MMP11: variants seen among roughly 807,000 people sequenced by gnomAD.
MMP11 encodes the protein matrix metallopeptidase 11.
In MMP11, 26 loss-of-function variants were observed where a neutral mutation model predicts 49.5. That is an observed-to-expected ratio of 0.52 (90% confidence interval 0.38 to 0.73). The LOEUF (loss-of-function observed/expected upper bound fraction) is 0.73, where lower values mean the gene tolerates loss of function less well. MMP11 is among the 30% of genes least tolerant of loss of function. The probability of loss-of-function intolerance (pLI) is 0.00; values close to 1 mark genes in which losing one functional copy is unlikely to be tolerated. For missense variants in MMP11, 624 were observed against 671.2 expected (o/e 0.93, Z 0.78); for synonymous variants, 265 against 282.3 (o/e 0.94, Z 0.62).
In MMP11 at chr22:23,780,613, GGGCCTGGGGGCATCCT is replaced by G. The variant is rs1569156823; in HGVS notation, c.519_534del (p.Gly174MetfsTer54). On this transcript the variant is annotated frameshift_variant, in exon 4 of 8. Transcript: ENST00000215743. LOFTEE classifies it high-confidence loss of function. The surrounding 1 kb of genome is among the most constrained non-coding windows in gnomAD (Gnocchi z 4.6). ...GCATGGGGACGACCTGCCGTTTGAT[GGGCCTGGGGGCATCCT>G]GGCCCATGCCTTCTTCCCCAAGACT... 6.3e-7 allele frequency: 1 copy of G among 1,592,744 alleles called. No individual in the cohort carries two copies. The highest frequency in any genetic ancestry group is 8.6e-7 in the Non-Finnish European group (1 of 1,168,988).
chr22:23,772,963 C>T lies in MMP11; in HGVS notation c.93C>T (p.Ala31=). 8.3e-7 allele frequency: 1 copy of T among 1,208,934 alleles called. No individual in the cohort carries two copies. The highest frequency in any genetic ancestry group is 1.0e-6 in the Non-Finnish European group (1 of 970,222). 74.9% of individuals were successfully genotyped at this position (1,208,934 alleles called of 1,614,324 possible). The change falls in exon 1 of 8, where the codon GCC becomes GCT. Residue 31 remains alanine (A), a synonymous_variant. Coordinates refer to ENST00000215743, the MANE Select transcript of MMP11 (RefSeq NM_005940.5). ...LLLLQPPPLL[A]RALPPDAHHL... ...TGCTCCAGCCGCCGCCGCTGCTGGC[C>T]CGGGCTCTGCCGCCGGTGAGTGCCC...
Position 23,781,419 on chromosome 22 carries a change from G to T in MMP11, c.1075+10G>T, listed in dbSNP as rs750326149. The T allele has an allele frequency of 6.3e-6, 10 of 1,585,922 alleles. No individual in the cohort carries two copies. The highest frequency in any genetic ancestry group is 1.1e-5 in the South Asian group (1 of 88,460). ...ATTTGGTTCTTCCAAGGTGAGTGGG[G>T]GTTGGGGATCTGCTCGAGAGACTTC... On this transcript the variant is annotated intron_variant, in intron 6 of 7. Transcript: ENST00000215743.
chr22:23,783,851 C>T lies in MMP11; in HGVS notation c.*307C>T, dbSNP rs1468450089. ...CTGCCCTGTCTCCATCCCTGTCCCT[C>T]AGGGTAGCACCATGGCAGGACTGGG... On this transcript the variant is annotated 3_prime_UTR_variant, in exon 8 of 8. Coordinates refer to ENST00000215743, the MANE Select transcript of MMP11 (RefSeq NM_005940.5). The T allele has an allele frequency of 4.7e-6, 2 of 424,790 alleles. No homozygotes were observed. Among genetic ancestry groups the T allele is most frequent in the Admixed American group, 6.8e-5 (2 of 29,226 alleles). The allele number at this position is 424,790 out of a possible 1,614,324, so 26.3% of individuals were successfully genotyped here. A position where few individuals can be genotyped will look rare whatever the true frequency, so the allele number is the denominator to read the frequency against.
Position 23,781,248 on chromosome 22 carries a change from G to A in MMP11, c.914G>A (p.Arg305Gln), listed in dbSNP as rs979897738. Residue 305 changes from arginine (R) to glutamine (Q), a missense_variant, in exon 6 of 8, where the codon CGA becomes CAA. Arg to Gln is a conservative substitution (Grantham distance 43). Transcript: ENST00000215743. ...EASFDAVSTI[R>Q]GELFFFKAGF... Reference sequence around the variant, plus strand: ...TCCTTTGACGCGGTCTCCACCATCCGAGGCGAGCTCTTTTTCTTCAAAGCG... The same window carrying A: ...TCCTTTGACGCGGTCTCCACCATCCAAGGCGAGCTCTTTTTCTTCAAAGCG... The A allele has an allele frequency of 5.0e-6, 8 of 1,611,398 alleles. No homozygotes were observed. Among genetic ancestry groups the A allele is most frequent in the Non-Finnish European group, 5.9e-6 (7 of 1,180,042 alleles).
intron 1 of MMP11, 114 bp from the exon 2 acceptor site, chr22:23,779,073 C>A: frequency 1.2e-6 from 1 of 838,468 alleles, no homozygotes; most frequent in Non-Finnish European, 1.8e-6. Context: ...CTCCATTTGC[C>A]CAGCCACACA....
chr22:23,777,008 C>T (rs914681145), intron 1 of MMP11, among the ~76,000 whole-genome samples: 64 of 151,132 alleles, frequency 4.2e-4, no homozygotes, highest in African/African-American at 1.5e-3. Flanking sequence ...GGGGTTTCAC[C>T]GTGTTAGCCA....
At chr22:23,779,778 G>T in intron 2 of MMP11, 1 of 339,842 alleles carries the variant, frequency 2.9e-6, no homozygotes. Flanking sequence ...CATCCTCTGT[G>T]TCAGTCTGAG....
At chr22:23,783,366 G>A in intron 7 of MMP11, 45 bp from the exon 8 acceptor site, 1 of 1,607,520 alleles carries the variant, frequency 6.2e-7, no homozygotes, top group Non-Finnish European at 8.5e-7. Flanking sequence ...GCAGGAGTAG[G>A]GCCCAGTGTC....
intron 1 of MMP11, 70 bp from the exon 2 acceptor site, chr22:23,779,117 G>A: frequency 7.9e-7 from 1 of 1,267,716 alleles, no homozygotes; most frequent in Non-Finnish European, 1.1e-6. Flanking sequence ...TTGCTGACAG[G>A]CCACATCTCT....
chr22:23,776,750 G>A (rs1481835987), intron 1 of MMP11, among the ~76,000 whole-genome samples: 1 of 152,012 alleles, frequency 6.6e-6, no homozygotes, highest in Non-Finnish European at 1.5e-5. Flanking sequence ...TCCATCAGGG[G>A]CTAAGAGCAA....
chr22:23,782,641 G>GT, intron 7 of MMP11, 158 bp downstream of exon 7: 2 of 899,618 alleles, frequency 2.2e-6, no homozygotes, highest in Admixed American at 2.9e-5. Context: ...TGGCCGGCTA[G>GT]TGCTACATTC....
At position 23,772,862 on chromosome 22, in the gene MMP11, C is replaced by T. The variant is rs1569154034; in HGVS notation, c.-9C>T. ...GAGCGGCCCAGCAAGCCCAGCAGCCCCGGGGCGGATGGCTCCGGCCGCCTG... is the reference window on the plus strand; with the variant it reads ...GAGCGGCCCAGCAAGCCCAGCAGCCTCGGGGCGGATGGCTCCGGCCGCCTG... On this transcript the variant is annotated 5_prime_UTR_variant, in exon 1 of 8. Coordinates refer to ENST00000215743, the MANE Select transcript of MMP11 (RefSeq NM_005940.5). 3.5e-6 allele frequency: 4 copies of T among 1,152,632 alleles called. No individual in the cohort carries two copies. The highest frequency in any genetic ancestry group is 9.5e-5 in the Admixed American group (2 of 21,064). The allele number at this position is 1,152,632 out of a possible 1,614,324, so 71.4% of individuals were successfully genotyped here. A position where few individuals can be genotyped will look rare whatever the true frequency, so the allele number is the denominator to read the frequency against.
In MMP11 at chr22:23,780,950, C is replaced by A; in HGVS notation, c.708C>A (p.Phe236Leu). 6.2e-7 allele frequency: 1 copy of A among 1,613,936 alleles called. No individual in the cohort carries two copies. Among genetic ancestry groups the A allele is most frequent in the Non-Finnish European group, 8.5e-7 (1 of 1,180,040 alleles). ...CAGCCAAGGCCCTGATGTCCGCCTT[C>A]TACACCTTTCGCTACCCACTGAGTC... ...TTAAKALMSAFYTFRYPLSLS... is the reference protein window; with the variant it reads ...TTAAKALMSALYTFRYPLSLS... The change falls in exon 5 of 8, where the codon TTC becomes TTA. Residue 236 changes from phenylalanine to leucine, a missense_variant. Physicochemically the swap from Phe to Leu is conservative, Grantham distance 22. Coordinates refer to ENST00000215743, the MANE Select transcript of MMP11 (RefSeq NM_005940.5). This position sits in a 1 kb window ranked among gnomAD's most constrained non-coding sequence, Gnocchi z 4.6.
At chr22:23,777,812 A>G (rs1927466822) in intron 1 of MMP11, 1 of 152,264 alleles carries the variant, frequency 6.6e-6, no homozygotes, top group African/African-American at 2.4e-5. Context: ...GTGCCAGGTA[A>G]CCATGCAATA....
intron 7 of MMP11, among the ~76,000 whole-genome samples, chr22:23,783,172 G>A (rs1927705103): frequency 1.3e-5 from 2 of 152,158 alleles, no homozygotes; most frequent in African/African-American, 2.4e-5. Context: ...CTGAGGCTCT[G>A]GGTACCTGTC....
At chr22:23,782,907 C>T (rs1325904536) in intron 7 of MMP11, among the ~76,000 whole-genome samples, 1 of 152,098 alleles carries the variant, frequency 6.6e-6, no homozygotes, top group African/African-American at 2.4e-5. Context: ...TGCTCCTAAC[C>T]ACTGACCCAC....
rs751419846 is a variant in MMP11, at chr22:23,779,400, A to G, written c.322A>G (p.Thr108Ala). Reference sequence around the variant, plus strand: ...GCTTTCTGGCGGGCGCTGGGAGAAGACGGACCTCACCTACAGGTAGGGGCC... The same window carrying G: ...GCTTTCTGGCGGGCGCTGGGAGAAGGCGGACCTCACCTACAGGTAGGGGCC... ...FVLSGGRWEK[T>A]DLTYRILRFP... The change falls in exon 2 of 8, where the codon ACG (threonine) becomes GCG (alanine). Residue 108 changes from threonine (T) to alanine (A), a missense_variant. Physicochemically the swap from Thr to Ala is moderately conservative, Grantham distance 58 (BLOSUM62 0). Coordinates refer to ENST00000215743, the MANE Select transcript of MMP11 (RefSeq NM_005940.5). 13 of 1,611,776 alleles carry G rather than the reference A, an allele frequency of 8.1e-6. No individual in the cohort carries two copies. The African/African-American group carries it at 1.7e-4, about 22-fold the overall frequency.
Position 23,780,327 on chromosome 22 carries a change from C to T in MMP11, c.339-32C>T. 1 of 1,611,938 alleles carries T rather than the reference C, an allele frequency of 6.2e-7. No individual in the cohort carries two copies. On this transcript the variant is annotated intron_variant, in intron 2 of 7. Transcript: ENST00000215743. This position sits in a 1 kb window ranked among gnomAD's most constrained non-coding sequence, Gnocchi z 4.6. ...CTCAGCCATCGGGGGCTGTCCCTTCCCTGAGGCCCAGGCCCCTCCATCTCC... is the reference window on the plus strand; with the variant it reads ...CTCAGCCATCGGGGGCTGTCCCTTCTCTGAGGCCCAGGCCCCTCCATCTCC...
Position 23,781,203 on chromosome 22 carries a change from C to G in MMP11, c.869C>G (p.Pro290Arg). The G allele has an allele frequency of 6.2e-7, 1 of 1,611,538 alleles. No homozygotes were observed. Among genetic ancestry groups the G allele is most frequent in the South Asian group, 1.1e-5 (1 of 91,086 alleles). The change falls in exon 6 of 8, where the codon CCG becomes CGG. Residue 290 changes from proline (P) to arginine (R), a missense_variant. Pro to Arg is a moderately radical substitution (Grantham distance 103, BLOSUM62 -2). Coordinates refer to ENST00000215743, the MANE Select transcript of MMP11 (RefSeq NM_005940.5). ...NEIAPLEPDAPPDACEASFDA... is the reference protein window; with the variant it reads ...NEIAPLEPDARPDACEASFDA... ...TCTCTCCCACCCCAGCCAGACGCCC[C>G]GCCAGATGCCTGTGAGGCCTCCTTT...
Sources: gnomAD v4.1 joint callset for allele counts (sites outside exome capture counted in the v4.1 genomes callset) on GRCh38, gnomAD v4.1.1 for gene constraint, Gnocchi (gnomAD v3.1) non-coding constraint, MANE v1.5 for transcripts, NCBI Gene and HGNC (gene_info 2026-07-23, HGNC 2026-07-21) for gene names.